Variants in MUSK observed in about 807,000 individuals in gnomAD.
MUSK encodes muscle, skeletal receptor tyrosine-protein kinase.
A neutral mutation model predicts 88.7 loss-of-function variants in MUSK; 55 were observed. The observed-to-expected ratio is 0.62, with a 90% CI of 0.50 to 0.78. The LOEUF (loss-of-function observed/expected upper bound fraction) is 0.78. Among genes scored for constraint, MUSK ranks in the 30% least tolerant of loss-of-function variants. MUSK has a pLI of 0.00. For synonymous variants in MUSK, 387 were observed against 391.9 expected (o/e 0.99, Z 0.15); for missense variants, 1,015 against 1,074.3 (o/e 0.94, Z 0.77).
In MUSK at chr9:110,804,312, A is replaced by C. The variant is rs1347303370; in HGVS notation, c.*3324A>C. On this transcript the variant is annotated 3_prime_UTR_variant, in exon 15 of 15. Coordinates refer to ENST00000374448, the MANE Select transcript of MUSK (RefSeq NM_005592.4). The stretch of plus-strand genomic sequence containing the variant: ...ATGTCTGGACCAAATGGCATGTACA[A>C]TATTAACACTTCTGTTATGTGGTTT... Among the ~76,000 whole-genome samples the C allele has an allele frequency of 6.6e-6, 1 of 152,136 alleles. No homozygotes were observed. The highest frequency in any genetic ancestry group is 6.5e-5 in the Admixed American group (1 of 15,280).
At chr9:110,786,814 C>G (rs2077875408) in intron 13 of MUSK, among the ~76,000 whole-genome samples, 1 of 152,182 alleles carries the variant, frequency 6.6e-6, no homozygotes, top group African/African-American at 2.4e-5. Context: ...CACAGACACA[C>G]AGCTGAGCCA....
chr9:110,783,825 T>A (rs900877587), intron 11 of MUSK, among the ~76,000 whole-genome samples: 6 of 152,030 alleles, frequency 3.9e-5, no homozygotes. Flanking sequence ...ACACTATGAC[T>A]TTATCTTTGA....
chr9:110,734,908 C>T (rs2077010011), intron 6 of MUSK, among the ~76,000 whole-genome samples: 1 of 152,024 alleles, frequency 6.6e-6, no homozygotes, highest in Admixed American at 6.6e-5. Flanking sequence ...ACATCAAACA[C>T]TATTCTAGGC....
chr9:110,703,103 A>G (rs1165257670), intron 5 of MUSK, among the ~76,000 whole-genome samples: 1 of 152,204 alleles, frequency 6.6e-6, no homozygotes, highest in African/African-American at 2.4e-5. Flanking sequence ...TGTCACACCT[A>G]CAGAAAACAA....
At chr9:110,719,098 A>G (rs1344649208) in intron 5 of MUSK, among the ~76,000 whole-genome samples, 1 of 152,092 alleles carries the variant, frequency 6.6e-6, no homozygotes, top group African/African-American at 2.4e-5. Context: ...GATTCTGGAA[A>G]TACACCAAAA....
At chr9:110,725,734 G>A (rs995173907) in intron 5 of MUSK, among the ~76,000 whole-genome samples, 1 of 151,978 alleles carries the variant, frequency 6.6e-6, no homozygotes, top group Non-Finnish European at 1.5e-5. Context: ...ACTAATCCCA[G>A]TTTAATTCTA....
In MUSK at chr9:110,686,981, T is replaced by C. The variant is rs1477110078; in HGVS notation, c.207-136T>C. On this transcript the variant is annotated intron_variant, in intron 2 of 14. Coordinates refer to ENST00000374448, the MANE Select transcript of MUSK (RefSeq NM_005592.4). ...TATATTATCAAGTAAGGTTATTCTA[T>C]TATTCAGAAGTCACTCAAGTTTCCT... The C allele has an allele frequency of 4.2e-6, 3 of 712,724 alleles. No individual in the cohort carries two copies. In the East Asian group the frequency reaches 7.8e-5, roughly 19 times the overall value. 44.1% of individuals were successfully genotyped at this position (712,724 alleles called of 1,614,324 possible). A position where few individuals can be genotyped will look rare whatever the true frequency, so the allele number is the denominator to read the frequency against.
At chr9:110,674,887 A>G (rs1195810057) in intron 1 of MUSK, among the ~76,000 whole-genome samples, 1 of 152,156 alleles carries the variant, frequency 6.6e-6, no homozygotes, top group African/African-American at 2.4e-5. Context: ...CTGGGATTAC[A>G]GACATGAGCC....
Position 110,787,722 on chromosome 9 carries a change from C to A in MUSK, c.1811C>A (p.Thr604Asn), listed in dbSNP as rs2077899274. The A allele has an allele frequency of 6.2e-7, 1 of 1,613,808 alleles. No individual in the cohort carries two copies. Among genetic ancestry groups the A allele is most frequent in the African/African-American group, 1.3e-5 (1 of 74,910 alleles). Residue 604 changes from threonine (T) to asparagine (N), a missense_variant, in exon 14 of 15, where the codon ACT becomes AAT. Physicochemically the swap from Thr to Asn is moderately conservative, Grantham distance 65. Transcript: ENST00000374448. ...GGCTTACTTCCCTATGAACCTTTCA[C>A]TATGGTGGCAGTAAAGATGCTCAAA... The part of the protein sequence containing the change: ...APGLLPYEPF[T>N]MVAVKMLKEE...
Position 110,767,845 on chromosome 9 carries a change from T to C in MUSK, c.946T>C (p.Tyr316His), listed in dbSNP as rs757775674. 2.5e-6 allele frequency: 4 copies of C among 1,614,028 alleles called. No homozygotes were observed. The highest frequency in any genetic ancestry group is 3.4e-6 in the Non-Finnish European group (4 of 1,179,882). Reference protein sequence around the residue: ...WSKPQKDNKGYCAQYRGEVCN... With the variant: ...WSKPQKDNKGHCAQYRGEVCN... ...TAAACCACAGAAAGATAACAAAGGC[T>C]ACTGCGCCCAGTACAGAGGGGAGGT... Residue 316 changes from tyrosine (Y) to histidine (H), a missense_variant, in exon 9 of 15, where the codon TAC becomes CAC. Transcript: ENST00000374448.
At chr9:110,745,197 T>TCCAGGAGAAGAGA (rs1159491954) in intron 6 of MUSK, among the ~76,000 whole-genome samples, 1 of 152,152 alleles carries the variant, frequency 6.6e-6, no homozygotes, top group Non-Finnish European at 1.5e-5. Flanking sequence ...CTGGATGAAG[T>TCCAGGAGAAGAGA]CCAGGAGAAG....
intron 1 of MUSK, among the ~76,000 whole-genome samples, chr9:110,680,448 A>G (rs763748576): frequency 2.7e-5 from 4 of 148,346 alleles, no homozygotes; most frequent in Non-Finnish European, 4.4e-5. Context: ...CAGTGGTGCG[A>G]TCTCAGCTCA....
At chr9:110,702,780 C>T (rs960711383) in intron 5 of MUSK, among the ~76,000 whole-genome samples, 1 of 152,040 alleles carries the variant, frequency 6.6e-6, no homozygotes, top group African/African-American at 2.4e-5. Context: ...CTAGTCTCAA[C>T]TATTTGGGAG....
chr9:110,672,118 G>T (rs2075965662), intron 1 of MUSK, among the ~76,000 whole-genome samples: 1 of 152,188 alleles, frequency 6.6e-6, no homozygotes, highest in Non-Finnish European at 1.5e-5. Context: ...GTTACTCATT[G>T]CATGTTTGAG....
chr9:110,777,242 C>G (rs1325117374), intron 11 of MUSK, among the ~76,000 whole-genome samples: 1 of 152,082 alleles, frequency 6.6e-6, no homozygotes, highest in East Asian at 1.9e-4. Flanking sequence ...AGTGCTTTAA[C>G]CTGTCAGAAT....
At chr9:110,697,202 A>G in intron 4 of MUSK, 123 bp from the exon 5 acceptor site, 1 of 1,044,964 alleles carries the variant, frequency 9.6e-7, no homozygotes, top group Non-Finnish European at 1.4e-6. Context: ...TAAGTGGCCA[A>G]TAAAGGTCAA....
intron 5 of MUSK, among the ~76,000 whole-genome samples, chr9:110,730,771 CAGAT>C (rs1428468875): frequency 6.6e-6 from 1 of 151,992 alleles, no homozygotes; most frequent in Non-Finnish European, 1.5e-5. Context: ...TGCAATTGCT[CAGAT>C]AGAGTTGGGT....
chr9:110,681,196 T>A (rs996583254), intron 1 of MUSK, among the ~76,000 whole-genome samples: 3 of 118,600 alleles, frequency 2.5e-5, no homozygotes, highest in Non-Finnish European at 5.1e-5. Flanking sequence ...ACAATCCTTA[T>A]AATATATATT....
rs560923438 is a variant in MUSK at position 110,689,290 on chromosome 9, T to C, written c.358+2022T>C. 7.9e-3 allele frequency among the ~76,000 whole-genome samples: 924 copies of C among 117,626 alleles called. 9 individuals carry two copies. Among genetic ancestry groups the C allele is most frequent in the Middle Eastern group, 0.037 (3 of 82 alleles). 77.2% of individuals were successfully genotyped at this position (117,626 alleles called of 152,430 possible). On this transcript the variant is annotated intron_variant, in intron 3 of 14. Coordinates refer to ENST00000374448, the MANE Select transcript of MUSK (RefSeq NM_005592.4). Reference sequence around the variant, plus strand: ...GTATAGTTATATTTATATATAAATATATAGCTATATATTTATATTTAAATA... The same window carrying C: ...GTATAGTTATATTTATATATAAATACATAGCTATATATTTATATTTAAATA...
Sources: allele counts gnomAD v4.1 joint callset (sites outside exome capture counted in the v4.1 genomes callset), GRCh38; gene constraint gnomAD v4.1.1; transcripts MANE v1.5; gene names NCBI Gene and HGNC (gene_info 2026-07-23, HGNC 2026-07-21).